SLC12A6: variants seen among roughly 807,000 people sequenced by gnomAD.
SLC12A6 encodes K-Cl cotransporter 3.
SLC12A6 carries 66 observed loss-of-function variants against 135.3 expected under a neutral mutation model. That is an observed-to-expected ratio of 0.49 (90% CI 0.40 to 0.60). The LOEUF is 0.60. SLC12A6 is among the 20% of genes least tolerant of loss of function. The pLI, the probability that SLC12A6 is intolerant of heterozygous loss-of-function variation, is 0.00. For missense variants in SLC12A6, 1,058 were observed against 1,452.3 expected (o/e 0.73, Z 4.41); for synonymous variants, 513 against 508.8 (o/e 1.01, Z -0.11).
chr15:34,286,072 C>T (rs1566840017), intron 2 of SLC12A6, among the ~76,000 whole-genome samples: 1 of 148,258 alleles, frequency 6.7e-6, no homozygotes, highest in Non-Finnish European at 1.5e-5. Context: ...GGTTTTATTG[C>T]TTTTTTTTTT....
chr15:34,305,272 T>A (rs576696657), intron 2 of SLC12A6, among the ~76,000 whole-genome samples: 3 of 152,174 alleles, frequency 2.0e-5, no homozygotes, highest in Non-Finnish European at 4.4e-5. Context: ...GCTCAGGAAA[T>A]AATTTTATGT....
At position 34,245,859 on chromosome 15, in the gene SLC12A6, T is replaced by C; in HGVS notation, c.1658A>G (p.Asp553Gly). ...TACCACCAAATTACCTTTCACAGCA[T>C]CACCGAACCTGGGAAAGAAATAGGA... Reference protein sequence around the residue: ...EGVVLRDKFGDAVKGNLVVGT... With the variant: ...EGVVLRDKFGGAVKGNLVVGT... The change falls in exon 14 of 26, where the codon GAT becomes GGT. Residue 553 changes from aspartate (D) to glycine (G), a missense_variant. Asp to Gly is a moderately conservative substitution (Grantham distance 94, BLOSUM62 -1). Transcript: ENST00000354181. 6.2e-7 allele frequency: 1 copy of C among 1,611,780 alleles called. No homozygotes were observed. The highest frequency in any genetic ancestry group is 1.3e-5 in the African/African-American group (1 of 74,932).
In SLC12A6 at chr15:34,272,728, T is replaced by A. The variant is rs374450576; in HGVS notation, c.316+2617A>T. Among the ~76,000 whole-genome samples the A allele has an allele frequency of 1.2e-4, 19 of 152,352 alleles. No homozygotes were observed. The East Asian group carries it at 1.9e-3, about 15-fold the overall frequency. Reference sequence around the variant, plus strand: ...CAAAGTTACTTATTTTTGCCTACAGTTCCCCAGGTATCCTTTACTGCAGGT... The same window carrying A: ...CAAAGTTACTTATTTTTGCCTACAGATCCCCAGGTATCCTTTACTGCAGGT... On this transcript the variant is annotated intron_variant, in intron 3 of 25. Coordinates refer to ENST00000354181, the MANE Select transcript of SLC12A6 (RefSeq NM_001365088.1).
chr15:34,256,331 T>C (rs762555248), intron 6 of SLC12A6, 48 bp from the exon 7 acceptor site: 4 of 1,251,100 alleles, frequency 3.2e-6, no homozygotes, highest in Non-Finnish European at 4.7e-6. Flanking sequence ...AAAGATGACA[T>C]TTCTATACTA....
chr15:34,286,475 A>G (rs1379595828), intron 2 of SLC12A6, among the ~76,000 whole-genome samples: 7 of 152,048 alleles, frequency 4.6e-5, no homozygotes, highest in Non-Finnish European at 1.0e-4. Context: ...TCATAAGTCT[A>G]AAAGGAGAGC....
At chr15:34,317,079 G>A (rs1389835521) in intron 2 of SLC12A6, among the ~76,000 whole-genome samples, 1 of 152,158 alleles carries the variant, frequency 6.6e-6, no homozygotes, top group Non-Finnish European at 1.5e-5. Flanking sequence ...ACCTAATTGA[G>A]CTGAAGTTGA....
intron 2 of SLC12A6, among the ~76,000 whole-genome samples, chr15:34,301,619 A>G (rs1019420864): frequency 6.6e-6 from 1 of 152,236 alleles, no homozygotes; most frequent in Non-Finnish European, 1.5e-5. Context: ...CACACAACAC[A>G]TGAATCCTGA....
chr15:34,309,241 C>T (rs1266101953), intron 2 of SLC12A6, among the ~76,000 whole-genome samples: 4 of 152,228 alleles, frequency 2.6e-5, no homozygotes, highest in Admixed American at 2.6e-4. Flanking sequence ...AATTTACCAG[C>T]TTATAATCAA....
At chr15:34,258,691 TTCCA>T in intron 5 of SLC12A6, 118 bp downstream of exon 5, 1 of 877,096 alleles carries the variant, frequency 1.1e-6, no homozygotes, top group Non-Finnish European at 1.9e-6. Context: ...CCCAGAACAG[TTCCA>T]GGCACCTCTC....
intron 3 of SLC12A6, among the ~76,000 whole-genome samples, chr15:34,273,177 C>T (rs1566830261): frequency 6.6e-6 from 1 of 152,142 alleles, no homozygotes; most frequent in Non-Finnish European, 1.5e-5. Context: ...AGGGCGAAAC[C>T]TTGACTCTAC....
intron 2 of SLC12A6, among the ~76,000 whole-genome samples, chr15:34,310,771 T>A (rs1443973370): frequency 3.3e-3 from 11 of 3,308 alleles, no homozygotes; most frequent in Non-Finnish European, 3.7e-3. Context: ...TGGGCTCAAG[T>A]GTGTGTGTGT....
intron 2 of SLC12A6, among the ~76,000 whole-genome samples, chr15:34,309,222 G>T (rs549223771): frequency 6.6e-6 from 1 of 151,928 alleles, no homozygotes; most frequent in Non-Finnish European, 1.5e-5. Flanking sequence ...AGAAATTCTC[G>T]ATTCTTTAAA....
intron 3 of SLC12A6, among the ~76,000 whole-genome samples, chr15:34,272,814 C>T (rs1894055829): frequency 6.6e-6 from 1 of 152,146 alleles, no homozygotes; most frequent in African/African-American, 2.4e-5. Context: ...TTTGACTGTC[C>T]ATTTCACTAG....
chr15:34,243,077 G>A (rs994084280), intron 16 of SLC12A6, among the ~76,000 whole-genome samples: 1 of 152,040 alleles, frequency 6.6e-6, no homozygotes, highest in Non-Finnish European at 1.5e-5. Flanking sequence ...ATTTTTAGTA[G>A]AGACGGGGTT....
At chr15:34,308,468 T>A (rs1887892562) in intron 2 of SLC12A6, among the ~76,000 whole-genome samples, 2 of 151,658 alleles carry the variant, frequency 1.3e-5, no homozygotes. Flanking sequence ...CTACTAAGAA[T>A]ATGAAAATTA....
At chr15:34,243,925 A>G in intron 16 of SLC12A6, 49 bp downstream of exon 16, 1 of 1,115,568 alleles carries the variant, frequency 9.0e-7, no homozygotes, top group Non-Finnish European at 1.4e-6. Flanking sequence ...TAGTTCAAAG[A>G]TGGGTTCTCT....
chr15:34,250,748 A>G lies in SLC12A6; in HGVS notation c.1493-19T>C. 2 of 1,495,044 alleles carry G rather than the reference A, an allele frequency of 1.3e-6. No individual in the cohort carries two copies. The highest frequency in any genetic ancestry group is 1.9e-6 in the Non-Finnish European group (2 of 1,071,506). The allele number at this position is 1,495,044 out of a possible 1,614,324, so 92.6% of individuals were successfully genotyped here. On this transcript the variant is annotated intron_variant, in intron 11 of 25. Coordinates refer to ENST00000354181, the MANE Select transcript of SLC12A6 (RefSeq NM_001365088.1). ...ATGATACCTTTAGAGATAAGGGGGAAAAAACCAAGTTAACTTCTTGGACAC... is the reference window on the plus strand; with the variant it reads ...ATGATACCTTTAGAGATAAGGGGGAGAAAACCAAGTTAACTTCTTGGACAC...
In SLC12A6 at chr15:34,237,428, C is replaced by T. The variant is rs112835706; in HGVS notation, c.2925G>A (p.Val975=). ...YHLRIEAEVE[V]VEMHDSDISA... is the part of the protein sequence containing the mutation. ...AACTCAGCTTTCTCACCATCTCCAC[C>T]ACTTCTACCTCCGCCTCAATGCGTA... is the stretch of plus-strand genomic sequence containing the variant. The change falls in exon 22 of 26, where the codon GTG becomes GTA. Residue 975 remains valine, a synonymous_variant. Transcript: ENST00000354181. The T allele has an allele frequency of 1.2e-3, 2,008 of 1,612,588 alleles. 14 individuals are homozygous for T. The African/African-American group carries it at 0.023, about 18-fold the overall frequency.
At chr15:34,262,521 C>T (rs7168606) in intron 3 of SLC12A6, among the ~76,000 whole-genome samples, 4,171 of 152,274 alleles carry the variant, frequency 0.027, 193 homozygotes, top group African/African-American at 0.095. Flanking sequence ...TGGCCCTCCA[C>T]GCTCTGCCAG....
Sources: allele counts gnomAD v4.1 joint callset (sites outside exome capture counted in the v4.1 genomes callset), GRCh38; gene constraint gnomAD v4.1.1; transcripts MANE v1.5; gene names NCBI Gene and HGNC (gene_info 2026-07-23, HGNC 2026-07-21).